The following GPR89A variants were observed in gnomAD, a reference collection of about 807,000 sequenced individuals.
The protein encoded by GPR89A is G protein-coupled receptor 89A.
A neutral mutation model predicts 52.0 loss-of-function variants in GPR89A; 16 were observed. The observed-to-expected ratio is 0.31, with a 90% CI of 0.21 to 0.47. The LOEUF is 0.47. GPR89A is among the 20% of genes least tolerant of loss of function. The probability of loss-of-function intolerance (pLI) is 1.00; values close to 1 mark genes in which losing one functional copy is unlikely to be tolerated. For synonymous variants in GPR89A, 55 were observed against 150.9 expected (o/e 0.36, Z 4.66); for missense variants, 135 against 449.4 (o/e 0.30, Z 6.33).
intron 12 of GPR89A, among the ~76,000 whole-genome samples, chr1:145,667,670 G>T (rs1652667389): frequency 6.6e-6 from 1 of 152,140 alleles, no homozygotes; most frequent in African/African-American, 2.4e-5. Context: ...GAATGTTATT[G>T]CCTAGGTTTT....
chr1:145,612,572 C>T (rs1411654496), intron 1 of GPR89A, among the ~76,000 whole-genome samples: 13 of 152,052 alleles, frequency 8.5e-5, no homozygotes, highest in South Asian at 2.1e-4. Flanking sequence ...CATCTTTCTC[C>T]GTGAAAATAG....
intron 10 of GPR89A, among the ~76,000 whole-genome samples, chr1:145,648,921 T>C (rs1256907493): frequency 1.3e-5 from 2 of 150,870 alleles, no homozygotes; most frequent in Non-Finnish European, 3.0e-5. Flanking sequence ...TCCCCTGCCT[T>C]AGGCTCCCAA....
intron 5 of GPR89A, among the ~76,000 whole-genome samples, chr1:145,626,160 C>T (rs1649482172): frequency 6.6e-6 from 1 of 150,728 alleles, no homozygotes; most frequent in South Asian, 2.1e-4. Flanking sequence ...AACCCACAGA[C>T]AGACACATTT....
At chr1:145,641,416 G>A (rs587677291) in intron 7 of GPR89A, among the ~76,000 whole-genome samples, 58 of 151,726 alleles carry the variant, frequency 3.8e-4, no homozygotes, top group African/African-American at 1.2e-3. Flanking sequence ...GAAATGTCCC[G>A]TATTGTGACT....
At chr1:145,666,873 G>T (rs587714869) in intron 12 of GPR89A, among the ~76,000 whole-genome samples, 1 of 152,038 alleles carries the variant, frequency 6.6e-6, no homozygotes, top group South Asian at 2.1e-4. Context: ...TCCCTACAAA[G>T]GACATGAACT....
chr1:145,670,274 G>C lies in GPR89A; in HGVS notation c.*234G>C, dbSNP rs1208313901. ...GACAATACTCAGCAGAGAGCATCCC[G>C]TGTGGATATGAGGCTGGTGTAGAGG... On this transcript the variant is annotated 3_prime_UTR_variant, in exon 14 of 14. Transcript: ENST00000313835. 1 of 928,192 alleles carries C rather than the reference G, an allele frequency of 1.1e-6. No homozygotes were observed. The highest frequency in any genetic ancestry group is 1.7e-5 in the African/African-American group (1 of 59,786). The allele number at this position is 928,192 out of a possible 1,614,324, so 57.5% of individuals were successfully genotyped here.
rs1553685235 is a variant in GPR89A, at chr1:145,608,063, G to C, written c.-71G>C. ...GGGAGAAGGCAGACCGTGTGAGGGG[G>C]CCTGTGGCCCCAGCGTGCTGTGGCC... is the stretch of plus-strand genomic sequence containing the variant. On this transcript the variant is annotated 5_prime_UTR_variant, in exon 1 of 14. Coordinates refer to ENST00000313835, the MANE Select transcript of GPR89A (RefSeq NM_001097612.2). The C allele has an allele frequency of 5.1e-6, 8 of 1,582,796 alleles. No homozygotes were observed. The highest frequency in any genetic ancestry group is 1.4e-5 in the African/African-American group (1 of 73,476).
At chr1:145,665,838 C>A (rs1454438079) in intron 12 of GPR89A, among the ~76,000 whole-genome samples, 187 bp downstream of exon 12, 2 of 146,484 alleles carry the variant, frequency 1.4e-5, no homozygotes, top group Non-Finnish European at 3.0e-5. Flanking sequence ...ACTAAAAATA[C>A]AACAAATTAG....
chr1:145,639,937 G>A (rs587675443), intron 7 of GPR89A, among the ~76,000 whole-genome samples: 2 of 152,224 alleles, frequency 1.3e-5, no homozygotes, highest in Admixed American at 6.5e-5. Context: ...ATTAAAACAC[G>A]CCGGGCGTGG....
At chr1:145,634,614 T>C (rs1559034108) in intron 7 of GPR89A, among the ~76,000 whole-genome samples, 1 of 150,446 alleles carries the variant, frequency 6.6e-6, no homozygotes, top group East Asian at 1.9e-4. Context: ...TGTGTATGAA[T>C]TTGAATCCTT....
chr1:145,608,520 G>A lies in GPR89A; in HGVS notation c.42+345G>A, dbSNP rs1553685487. 3 of 708,848 alleles carry A rather than the reference G, an allele frequency of 4.2e-6. No individual in the cohort carries two copies. The Admixed American group carries it at 9.9e-5, about 23-fold the overall frequency. The allele number at this position is 708,848 out of a possible 1,614,324, so 43.9% of individuals were successfully genotyped here. A position where few individuals can be genotyped will look rare whatever the true frequency, so the allele number is the denominator to read the frequency against. On this transcript the variant is annotated intron_variant, in intron 1 of 13. Coordinates refer to ENST00000313835, the MANE Select transcript of GPR89A (RefSeq NM_001097612.2). ...TCGAAGCTTCCGGGCTGCGCCAACTGATCCTGGACTGGGGAAGCCTGTGTG... is the reference window on the plus strand; with the variant it reads ...TCGAAGCTTCCGGGCTGCGCCAACTAATCCTGGACTGGGGAAGCCTGTGTG...
At chr1:145,647,671 G>C (rs1385474964) in intron 10 of GPR89A, among the ~76,000 whole-genome samples, 3 of 151,158 alleles carry the variant, frequency 2.0e-5, no homozygotes, top group Non-Finnish European at 4.4e-5. Flanking sequence ...GGGTGTGGTG[G>C]TGGGCCGCCT....
At chr1:145,626,560 G>A (rs1232731707) in intron 5 of GPR89A, among the ~76,000 whole-genome samples, 6 of 151,974 alleles carry the variant, frequency 3.9e-5, no homozygotes, top group African/African-American at 1.5e-4. Context: ...GAAAAGTTTA[G>A]GTAGTAGCTG....
In GPR89A at chr1:145,611,259, C is replaced by G. The variant is rs782069256; in HGVS notation, c.42+3084C>G. Among the ~76,000 whole-genome samples the G allele has an allele frequency of 1.6e-3, 238 of 148,580 alleles. 1 individual carries two copies. The highest frequency in any genetic ancestry group is 5.8e-3 in the African/African-American group (232 of 40,074). ...TTGTGCCGGGTATATTGTGGGAGCT[C>G]AGGTTTGGGGTACAAATGATCCGGT... On this transcript the variant is annotated intron_variant, in intron 1 of 13. Transcript: ENST00000313835.
At position 145,670,096 on chromosome 1, in the gene GPR89A, AG is replaced by A. The variant is rs1652884601; in HGVS notation, c.*62del. The A allele has an allele frequency of 6.3e-6, 8 of 1,263,370 alleles. No individual in the cohort carries two copies. The highest frequency in any genetic ancestry group is 2.5e-5 in the East Asian group (1 of 39,562). 78.3% of individuals were successfully genotyped at this position (1,263,370 alleles called of 1,614,324 possible). On this transcript the variant is annotated 3_prime_UTR_variant, in exon 14 of 14. Transcript: ENST00000313835. ...AGTGGTTTCAAAATTTAGATATAAG[AG>A]GGGGGAAAAATGGAACCAGGGCCTG...
intron 1 of GPR89A, among the ~76,000 whole-genome samples, chr1:145,615,625 A>C: frequency 5.9e-5 from 1 of 17,024 alleles, no homozygotes; most frequent in Non-Finnish European, 1.1e-4. Flanking sequence ...TCTCACTCTG[A>C]CACCTTTTCT....
At chr1:145,659,830 G>T (rs1198377076) in intron 10 of GPR89A, among the ~76,000 whole-genome samples, 143 of 133,506 alleles carry the variant, frequency 1.1e-3, no homozygotes, top group African/African-American at 4.1e-3. Flanking sequence ...TAGCTTTATA[G>T]GGATGGCATT....
intron 3 of GPR89A, among the ~76,000 whole-genome samples, chr1:145,621,843 A>T (rs1649159950): frequency 6.6e-6 from 1 of 151,666 alleles, no homozygotes; most frequent in Admixed American, 6.6e-5. Context: ...ACCATTAGCC[A>T]TCAAGGAAAT....
intron 4 of GPR89A, 165 bp from the exon 5 acceptor site, chr1:145,623,448 C>T (rs1427586939): frequency 1.1e-6 from 1 of 874,916 alleles, no homozygotes; most frequent in African/African-American, 1.7e-5. Context: ...CTAAATTTCT[C>T]TTACGATGGT....
Sources: gnomAD v4.1 joint callset for allele counts (sites outside exome capture counted in the v4.1 genomes callset) on GRCh38, gnomAD v4.1.1 for gene constraint, MANE v1.5 for transcripts, NCBI Gene and HGNC (gene_info 2026-07-23, HGNC 2026-07-21) for gene names.